NELL1: variants seen among roughly 807,000 people sequenced by gnomAD.
NELL1 encodes the protein neural EGFL like 1.
In NELL1, 76 loss-of-function variants were observed where a neutral mutation model predicts 107.4. The ratio of observed to expected loss-of-function variants is 0.71; its 90% CI spans 0.59 to 0.86. The LOEUF is 0.86. Ranked by LOEUF, NELL1 falls within the 40% of genes least tolerant of loss-of-function variation. The pLI, the probability that NELL1 is intolerant of heterozygous loss-of-function variation, is 0.00. For synonymous variants in NELL1, 353 were observed against 341.2 expected (o/e 1.03, Z -0.38); for missense variants, 1,024 against 1,005.5 (o/e 1.02, Z -0.25).
At chr11:21,553,845 A>G (rs1856645331) in intron 16 of NELL1, among the ~76,000 whole-genome samples, 1 of 151,922 alleles carries the variant, frequency 6.6e-6, no homozygotes, top group Non-Finnish European at 1.5e-5. Flanking sequence ...GGCAGCATAA[A>G]ATTAAAATAC....
At position 21,560,300 on chromosome 11, in the gene NELL1, A is replaced by T; in HGVS notation, c.1898A>T (p.Asp633Val). 3 of 1,613,316 alleles carry T rather than the reference A, an allele frequency of 1.9e-6. No homozygotes were observed. The highest frequency in any genetic ancestry group is 2.5e-6 in the Non-Finnish European group (3 of 1,179,622). ...CCCTCTGGGCCCTCCTGCTCTGGTG[A>T]CTGTCCTCATGAAGGGGGGCTGAAG... ...LCPSGPSCSG[D>V]CPHEGGLKHN... is the part of the protein sequence containing the mutation. The change falls in exon 17 of 20, where the codon GAC becomes GTC. Residue 633 changes from aspartate to valine, a missense_variant. Asp to Val is a radical substitution (Grantham distance 152). Transcript: ENST00000357134.
At chr11:20,802,925 T>A (rs1375997143) in intron 3 of NELL1, among the ~76,000 whole-genome samples, 1 of 152,206 alleles carries the variant, frequency 6.6e-6, no homozygotes, top group East Asian at 1.9e-4. Flanking sequence ...TTTCATTTGG[T>A]CATGATGAAT....
At chr11:21,050,407 A>G (rs1015933536) in intron 12 of NELL1, among the ~76,000 whole-genome samples, 2 of 151,782 alleles carry the variant, frequency 1.3e-5, no homozygotes, top group African/African-American at 4.9e-5. Context: ...GAGACAATCT[A>G]TTTTAAATTG....
intron 18 of NELL1, among the ~76,000 whole-genome samples, chr11:21,572,797 T>C (rs1386995373): frequency 6.6e-6 from 1 of 151,886 alleles, no homozygotes; most frequent in African/African-American, 2.4e-5. Context: ...CCTTATAATT[T>C]ATTTATTAGC....
At chr11:21,303,133 A>G (rs1849534922) in intron 14 of NELL1, among the ~76,000 whole-genome samples, 1 of 143,078 alleles carries the variant, frequency 7.0e-6, no homozygotes, top group Non-Finnish European at 1.6e-5. Flanking sequence ...GTCTATCTAT[A>G]CACATACATA....
At chr11:21,252,014 C>A (rs1366875564) in intron 14 of NELL1, among the ~76,000 whole-genome samples, 1 of 152,120 alleles carries the variant, frequency 6.6e-6, no homozygotes, top group East Asian at 1.9e-4. Flanking sequence ...TTAATGGACA[C>A]ATATGGAGTG....
intron 11 of NELL1, among the ~76,000 whole-genome samples, chr11:20,959,290 A>G (rs1422578184): frequency 1.3e-5 from 2 of 152,190 alleles, no homozygotes; most frequent in Non-Finnish European, 2.9e-5. Flanking sequence ...GTAGAACTAA[A>G]AGTAGAATTT....
At chr11:21,467,576 GT>G (rs1055008753) in intron 15 of NELL1, among the ~76,000 whole-genome samples, 1 of 151,758 alleles carries the variant, frequency 6.6e-6, no homozygotes, top group African/African-American at 2.4e-5. Context: ...GCTTTATTAT[GT>G]TTTTTTAAGG....
intron 13 of NELL1, among the ~76,000 whole-genome samples, chr11:21,205,344 A>C (rs1340217350): frequency 6.6e-6 from 1 of 152,172 alleles, no homozygotes; most frequent in Non-Finnish European, 1.5e-5. Flanking sequence ...CAGTCTGGCT[A>C]CAGTGGCTTT....
intron 14 of NELL1, among the ~76,000 whole-genome samples, chr11:21,282,061 C>A (rs1285060153): frequency 6.6e-6 from 1 of 152,080 alleles, no homozygotes; most frequent in African/African-American, 2.4e-5. Context: ...TGAAAGACAA[C>A]CTACAGATGG....
chr11:21,393,289 C>T (rs1300951132), intron 15 of NELL1, among the ~76,000 whole-genome samples: 1 of 151,462 alleles, frequency 6.6e-6, no homozygotes, highest in Non-Finnish European at 1.5e-5. Context: ...GTTACAAATA[C>T]CAGGGAGAAC....
chr11:21,019,567 AT>A (rs1328796038), intron 12 of NELL1, among the ~76,000 whole-genome samples: 1 of 151,924 alleles, frequency 6.6e-6, no homozygotes, highest in African/African-American at 2.4e-5. Flanking sequence ...GTCTGAAGAC[AT>A]TTTTTCCTGT....
chr11:20,675,536 G>T (rs1283404956), intron 1 of NELL1, among the ~76,000 whole-genome samples: 1 of 152,156 alleles, frequency 6.6e-6, no homozygotes, highest in Admixed American at 6.5e-5. Flanking sequence ...CGACAGGGGT[G>T]CTTCCTTCTT....
At position 21,392,360 on chromosome 11, in the gene NELL1, C is replaced by T. The variant is rs183934368; in HGVS notation, c.1645+21412C>T. Reference sequence around the variant, plus strand: ...TTACTGAGTCCTATGCAATAAGTTGCTTCTTGGCTTTCTCCACTCCAGGCT... The same window carrying T: ...TTACTGAGTCCTATGCAATAAGTTGTTTCTTGGCTTTCTCCACTCCAGGCT... On this transcript the variant is annotated intron_variant, in intron 15 of 19. Transcript: ENST00000357134. Among the ~76,000 whole-genome samples, 213 of 151,926 alleles carry T rather than the reference C, an allele frequency of 1.4e-3. 5 individuals are homozygous for T. Among genetic ancestry groups the T allele is most frequent in the Admixed American group, 0.014 (213 of 15,234 alleles).
intron 2 of NELL1, among the ~76,000 whole-genome samples, chr11:20,698,874 T>C (rs996140475): frequency 1.3e-5 from 2 of 152,200 alleles, no homozygotes; most frequent in East Asian, 3.8e-4. Flanking sequence ...CTCCCACTTA[T>C]AAGTTATACA....
intron 2 of NELL1, among the ~76,000 whole-genome samples, chr11:20,680,940 C>T (rs772873441): frequency 1.3e-5 from 2 of 152,066 alleles, no homozygotes; most frequent in Non-Finnish European, 2.9e-5. Context: ...GCAGCTTATC[C>T]ACAGATCTGT....
chr11:21,315,577 C>T (rs985600531), intron 14 of NELL1, among the ~76,000 whole-genome samples: 4 of 152,160 alleles, frequency 2.6e-5, no homozygotes, highest in Non-Finnish European at 4.4e-5. Context: ...CAGATCACTG[C>T]ATTAGTAAGC....
intron 13 of NELL1, among the ~76,000 whole-genome samples, chr11:21,164,616 G>A (rs1856442054): frequency 6.6e-6 from 1 of 152,080 alleles, no homozygotes; most frequent in Non-Finnish European, 1.5e-5. Context: ...ACTTCTGAAA[G>A]AAATCATAGT....
At chr11:21,017,934 A>G (rs1414251108) in intron 12 of NELL1, among the ~76,000 whole-genome samples, 1 of 152,020 alleles carries the variant, frequency 6.6e-6, no homozygotes, top group Non-Finnish European at 1.5e-5. Flanking sequence ...CTGTAGCCCT[A>G]CTGAACTTCA....
Sources: allele counts gnomAD v4.1 joint callset (sites outside exome capture counted in the v4.1 genomes callset), GRCh38; gene constraint gnomAD v4.1.1; transcripts MANE v1.5; gene names NCBI Gene and HGNC (gene_info 2026-07-23, HGNC 2026-07-21).